LINGO2: variants seen among roughly 807,000 people sequenced by gnomAD.
LINGO2 encodes leucine rich repeat and Ig domain containing 2.
Under a neutral mutation model 30.6 loss-of-function variants are expected in LINGO2, and 14 were observed. The ratio of observed to expected loss-of-function variants is 0.46; its 90% CI spans 0.30 to 0.72. The LOEUF (loss-of-function observed/expected upper bound fraction) is 0.72. Among genes scored for constraint, LINGO2 ranks in the 30% least tolerant of loss-of-function variants. The pLI is 0.07. For missense variants in LINGO2, 729 were observed against 751.7 expected (o/e 0.97, Z 0.35); for synonymous variants, 317 against 288.5 (o/e 1.10, Z -1.00).
intron 4 of LINGO2, among the ~76,000 whole-genome samples, chr9:28,279,186 C>A (rs1366288103): frequency 1.3e-5 from 2 of 152,130 alleles, no homozygotes; most frequent in Non-Finnish European, 2.9e-5. Flanking sequence ...AAAATGGTTT[C>A]TTGAGATAAA....
At chr9:28,145,251 G>A (rs1264997907) in intron 4 of LINGO2, among the ~76,000 whole-genome samples, 4 of 152,160 alleles carry the variant, frequency 2.6e-5, no homozygotes, top group Admixed American at 6.5e-5. Context: ...GAAGGCAAGC[G>A]TTGCACATAG....
the LINGO2 span, among the ~76,000 whole-genome samples, chr9:28,833,113 A>G: frequency 6.6e-6 from 1 of 152,190 alleles, no homozygotes; most frequent in Non-Finnish European, 1.5e-5. Context: ...CCTCCAAAGC[A>G]CAGATGTGAT....
At chr9:28,506,798 G>A (rs1820158225) in intron 1 of LINGO2, among the ~76,000 whole-genome samples, 1 of 151,696 alleles carries the variant, frequency 6.6e-6, no homozygotes, top group South Asian at 2.1e-4. Context: ...GCTATAGAAA[G>A]TACTGAGTGT....
the LINGO2 span, among the ~76,000 whole-genome samples, chr9:28,686,732 C>T: frequency 2.6e-5 from 4 of 152,182 alleles, no homozygotes; most frequent in South Asian, 2.1e-4. Context: ...TTACATCCAT[C>T]GGACACCTTT....
At chr9:28,263,007 C>T (rs999280355) in intron 4 of LINGO2, among the ~76,000 whole-genome samples, 1 of 151,990 alleles carries the variant, frequency 6.6e-6, no homozygotes, top group African/African-American at 2.4e-5. Flanking sequence ...GGAGTCTAAG[C>T]ATATAGCCTA....
chr9:28,572,465 C>T (rs2135597491), intron 1 of LINGO2, among the ~76,000 whole-genome samples: 1 of 152,176 alleles, frequency 6.6e-6, no homozygotes, highest in South Asian at 2.1e-4. Context: ...CAATACTTGA[C>T]ATTATTTTTT....
intron 1 of LINGO2, among the ~76,000 whole-genome samples, chr9:28,649,437 T>G (rs147796981): frequency 1.2e-3 from 181 of 152,224 alleles, no homozygotes; most frequent in African/African-American, 4.1e-3. Flanking sequence ...TTAGCTAAAT[T>G]GTTATAAATA....
At chr9:28,503,886 C>T (rs1214413388) in intron 1 of LINGO2, among the ~76,000 whole-genome samples, 1 of 151,520 alleles carries the variant, frequency 6.6e-6, no homozygotes, top group South Asian at 2.1e-4. Flanking sequence ...AATAAAAAAC[C>T]AGACAGATTG....
At chr9:28,233,061 T>TATATATATAA (rs60875467) in intron 4 of LINGO2, among the ~76,000 whole-genome samples, 1,361 of 118,764 alleles carry the variant, frequency 0.011, 81 homozygotes, top group African/African-American at 0.045. Flanking sequence ...TATATATATA[T>TATATATATAA]TAGATATATA....
At chr9:28,438,325 C>T (rs894473519) in intron 2 of LINGO2, among the ~76,000 whole-genome samples, 1 of 152,138 alleles carries the variant, frequency 6.6e-6, no homozygotes, top group Non-Finnish European at 1.5e-5. Flanking sequence ...GATCCGCTAT[C>T]TAATTTGTTA....
At chr9:28,441,250 G>GGTTTTT (rs1824181103) in intron 2 of LINGO2, among the ~76,000 whole-genome samples, 1 of 50,636 alleles carries the variant, frequency 2.0e-5, no homozygotes, top group African/African-American at 7.9e-5. Context: ...TTCATTGGAG[G>GGTTTTT]CTTTTTTTTT....
intron 1 of LINGO2, among the ~76,000 whole-genome samples, chr9:28,553,525 G>A (rs1003863481): frequency 6.6e-6 from 1 of 152,100 alleles, no homozygotes; most frequent in Non-Finnish European, 1.5e-5. Flanking sequence ...CGTCTGATTG[G>A]TGTACCTGGA....
intron 1 of LINGO2, among the ~76,000 whole-genome samples, chr9:28,555,662 T>C (rs979666834): frequency 1.2e-4 from 19 of 152,054 alleles, no homozygotes; most frequent in African/African-American, 3.6e-4. Flanking sequence ...CCAGCATCAT[T>C]CTGATACCAA....
At chr9:28,158,636 G>T (rs1005252241) in intron 4 of LINGO2, among the ~76,000 whole-genome samples, 3 of 152,124 alleles carry the variant, frequency 2.0e-5, no homozygotes, top group Non-Finnish European at 4.4e-5. Context: ...TGGGAGGGAG[G>T]CTTGTGTTAT....
chr9:29,167,834 T>A, the LINGO2 span, among the ~76,000 whole-genome samples: 2 of 152,266 alleles, frequency 1.3e-5, no homozygotes, highest in South Asian at 4.1e-4. Flanking sequence ...ATTCCACCTA[T>A]TTTAATAATT....
chr9:28,111,644 T>A (rs1471721275), intron 4 of LINGO2, among the ~76,000 whole-genome samples: 1 of 152,226 alleles, frequency 6.6e-6, no homozygotes, highest in Admixed American at 6.5e-5. Flanking sequence ...TCTGCAAGGA[T>A]CTTAAAATCA....
At chr9:28,124,095 C>T (rs180918726) in intron 4 of LINGO2, among the ~76,000 whole-genome samples, 16 of 152,298 alleles carry the variant, frequency 1.1e-4, no homozygotes, top group Admixed American at 2.0e-4. Context: ...TCACTTATTA[C>T]TGTGGATTCT....
chr9:28,534,196 C>T (rs1208319334), intron 1 of LINGO2, among the ~76,000 whole-genome samples: 1 of 152,106 alleles, frequency 6.6e-6, no homozygotes, highest in Non-Finnish European at 1.5e-5. Context: ...CTTGCCCTGT[C>T]ACCAGGCTGG....
chr9:28,885,800 G>A, the LINGO2 span, among the ~76,000 whole-genome samples: 10 of 152,098 alleles, frequency 6.6e-5, no homozygotes, highest in African/African-American at 4.8e-5. Context: ...ATGCCTGTAG[G>A]TCAGGGATCT....
Sources: allele counts gnomAD v4.1 joint callset (sites outside exome capture counted in the v4.1 genomes callset), GRCh38; gene constraint gnomAD v4.1.1; transcripts MANE v1.5; gene names NCBI Gene and HGNC (gene_info 2026-07-23, HGNC 2026-07-21).